Variants in CAPZA1 observed in about 807,000 individuals in gnomAD.
CAPZA1 encodes capping actin protein of muscle Z-line subunit alpha 1, also known as F-actin-capping protein subunit alpha-1.
In CAPZA1, 10 loss-of-function variants were observed where a neutral mutation model predicts 40.8. The observed-to-expected ratio is 0.25, with a 90% CI of 0.15 to 0.42. CAPZA1 has a LOEUF of 0.42. CAPZA1 is among the 10% of genes least tolerant of loss of function. The probability of loss-of-function intolerance (pLI) is 1.00; values close to 1 mark genes in which losing one functional copy is unlikely to be tolerated. For missense variants in CAPZA1, 277 were observed against 353.8 expected, an observed-to-expected ratio of 0.78 and a Z score of 1.74; for synonymous variants, 98 against 115.0, an observed-to-expected ratio of 0.85 and a Z score of 0.95.
chr1:112,645,559 A>G (rs112038528), intron 1 of CAPZA1, among the ~76,000 whole-genome samples: 338 of 152,258 alleles, frequency 2.2e-3, no homozygotes, highest in Middle Eastern at 0.014. Context: ...ACTTGAACCC[A>G]GGAGTTTGAG....
At chr1:112,656,466 T>TTTTTTC (rs1553180448) in intron 5 of CAPZA1, among the ~76,000 whole-genome samples, 17,002 of 94,248 alleles carry the variant, frequency 0.18, 4,455 homozygotes, top group South Asian at 0.3. Flanking sequence ...TTTTTTTTTT[T>TTTTTTC]AATGAGAATA....
At chr1:112,666,882 G>A (rs966364071) in intron 7 of CAPZA1, 192 bp from the exon 8 acceptor site, 28 of 530,692 alleles carry the variant, frequency 5.3e-5, no homozygotes, top group Middle Eastern at 3.1e-4. Context: ...AGGAAAAAGC[G>A]TTCTTAAACT....
At chr1:112,627,588 T>TGC (rs1194824954) in intron 1 of CAPZA1, among the ~76,000 whole-genome samples, 1 of 127,558 alleles carries the variant, frequency 7.8e-6, no homozygotes, top group Middle Eastern at 6.8e-3. Flanking sequence ...GCCGAGATCA[T>TGC]GCCATTGCAC....
chr1:112,640,598 G>C lies in CAPZA1; in HGVS notation c.40-6612G>C, dbSNP rs1353790812. 2.1e-5 allele frequency among the ~76,000 whole-genome samples: 3 copies of C among 143,860 alleles called. No homozygotes were observed. In the East Asian group the frequency reaches 6.4e-4, roughly 30 times the overall value. The allele number at this position is 143,860 out of a possible 152,430, so 94.4% of individuals were successfully genotyped here. A position where few individuals can be genotyped will look rare whatever the true frequency, so the allele number is the denominator to read the frequency against. Reference sequence around the variant, plus strand: ...CAGCCGCCCCATCCGGGAGGGAGGTGGGGGGGTCAGCCCCCCGCCCGGCCA... The same window carrying C: ...CAGCCGCCCCATCCGGGAGGGAGGTCGGGGGGTCAGCCCCCCGCCCGGCCA... On this transcript the variant is annotated intron_variant, in intron 1 of 9. Transcript: ENST00000263168.
chr1:112,626,715 T>G (rs569332443), intron 1 of CAPZA1, among the ~76,000 whole-genome samples: 2 of 152,244 alleles, frequency 1.3e-5, no homozygotes, highest in Non-Finnish European at 2.9e-5. Context: ...CTCTCCTTTC[T>G]TTATACATCC....
chr1:112,644,736 T>C (rs1462258443), intron 1 of CAPZA1, among the ~76,000 whole-genome samples: 1 of 152,208 alleles, frequency 6.6e-6, no homozygotes, highest in Non-Finnish European at 1.5e-5. Flanking sequence ...CTTTCTCTCA[T>C]AGTATGTTAG....
chr1:112,630,252 G>T (rs1384445292), intron 1 of CAPZA1, among the ~76,000 whole-genome samples: 1 of 152,022 alleles, frequency 6.6e-6, no homozygotes, highest in Admixed American at 6.5e-5. Context: ...GCCCAGACTG[G>T]TCTCAAACTC....
At chr1:112,643,788 C>T (rs1671226415) in intron 1 of CAPZA1, among the ~76,000 whole-genome samples, 1 of 152,130 alleles carries the variant, frequency 6.6e-6, no homozygotes, top group South Asian at 2.1e-4. Context: ...TAAGAGTGAA[C>T]TTACAGTAAG....
intron 1 of CAPZA1, among the ~76,000 whole-genome samples, chr1:112,628,056 T>C (rs1025055417): frequency 3.3e-5 from 5 of 152,166 alleles, no homozygotes; most frequent in Non-Finnish European, 7.4e-5. Context: ...TTGAAAAACA[T>C]GGCTCTAGAA....
At chr1:112,640,240 G>A (rs1570709283) in intron 1 of CAPZA1, among the ~76,000 whole-genome samples, 1 of 117,834 alleles carries the variant, frequency 8.5e-6, no homozygotes, top group Non-Finnish European at 1.8e-5. Context: ...GGTGAGGGGC[G>A]CCTCTGCCCG....
chr1:112,641,226 A>AAT (rs1671155578), intron 1 of CAPZA1, among the ~76,000 whole-genome samples: 5 of 151,314 alleles, frequency 3.3e-5, no homozygotes, highest in Admixed American at 6.6e-5. Context: ...AATAAAAAAA[A>AAT]AAATAAATAA....
In CAPZA1 at chr1:112,669,986, T is replaced by G; in HGVS notation, c.721-6T>G. On this transcript the variant is annotated splice_polypyrimidine_tract_variant and splice_region_variant and intron_variant, in intron 9 of 9. Coordinates refer to ENST00000263168, the MANE Select transcript of CAPZA1 (RefSeq NM_006135.3). The stretch of plus-strand genomic sequence containing the variant: ...CAAGCAACTCATCTTCAATTATCTA[T>G]TGCAGACAGCAATTAGTGAAAACTA... 8 of 1,613,786 alleles carry G rather than the reference T, an allele frequency of 5.0e-6. No homozygotes were observed. The highest frequency in any genetic ancestry group is 6.8e-6 in the Non-Finnish European group (8 of 1,179,824).
In CAPZA1 at chr1:112,643,310, T is replaced by C. The variant is rs141173240; in HGVS notation, c.40-3900T>C. 3.1e-3 allele frequency among the ~76,000 whole-genome samples: 466 copies of C among 152,338 alleles called. 4 individuals carry two copies. Among genetic ancestry groups the C allele is most frequent in the African/African-American group, 0.011 (438 of 41,568 alleles). On this transcript the variant is annotated intron_variant, in intron 1 of 9. Coordinates refer to ENST00000263168, the MANE Select transcript of CAPZA1 (RefSeq NM_006135.3). ...GAATCTCTCTTTTTATTGTTTTTGCTCAGTTAATATAAGGAGCCTTATGGA... is the reference window on the plus strand; with the variant it reads ...GAATCTCTCTTTTTATTGTTTTTGCCCAGTTAATATAAGGAGCCTTATGGA...
intron 8 of CAPZA1, among the ~76,000 whole-genome samples, chr1:112,667,838 G>C (rs1160007145): frequency 6.6e-6 from 1 of 151,906 alleles, no homozygotes; most frequent in African/African-American, 2.4e-5. Flanking sequence ...GGCCACTATT[G>C]TGTTCTATAC....
At position 112,652,343 on chromosome 1, in the gene CAPZA1, A is replaced by G. The variant is rs568482033; in HGVS notation, c.156-1255A>G. Among the ~76,000 whole-genome samples, 20 of 150,864 alleles carry G rather than the reference A, an allele frequency of 1.3e-4. No individual in the cohort carries two copies. The South Asian group carries it at 2.7e-3, about 21-fold the overall frequency. The stretch of plus-strand genomic sequence containing the variant: ...CTAAATATACAGAAATTAGCTGGGC[A>G]TGGTGGCACATGGTAATCCCAGCTA... On this transcript the variant is annotated intron_variant, in intron 3 of 9. Coordinates refer to ENST00000263168, the MANE Select transcript of CAPZA1 (RefSeq NM_006135.3).
At chr1:112,637,483 T>C (rs1036710079) in intron 1 of CAPZA1, among the ~76,000 whole-genome samples, 3 of 152,254 alleles carry the variant, frequency 2.0e-5, no homozygotes, top group Non-Finnish European at 4.4e-5. Context: ...GCTCTTGCTC[T>C]ATTGCACAGG....
At chr1:112,669,677 C>A in intron 9 of CAPZA1, 72 bp downstream of exon 9, 2 of 1,098,534 alleles carry the variant, frequency 1.8e-6, no homozygotes, top group Non-Finnish European at 2.8e-6. Context: ...TTTTGTTAGG[C>A]CTTGTGTCCT....
intron 1 of CAPZA1, among the ~76,000 whole-genome samples, chr1:112,637,328 A>T (rs1671040698): frequency 6.6e-6 from 1 of 152,268 alleles, no homozygotes; most frequent in Non-Finnish European, 1.5e-5. Flanking sequence ...AGCATGTTCT[A>T]GGTCTCAGTC....
chr1:112,634,688 T>C (rs1235560181), intron 1 of CAPZA1: 2 of 152,198 alleles, frequency 1.3e-5, no homozygotes, highest in East Asian at 3.8e-4. Flanking sequence ...TCATTTAATC[T>C]TTACAACAAT....
Sources: gnomAD v4.1 joint callset for allele counts (sites outside exome capture counted in the v4.1 genomes callset) on GRCh38, gnomAD v4.1.1 for gene constraint, MANE v1.5 for transcripts, NCBI Gene and HGNC (gene_info 2026-07-23, HGNC 2026-07-21) for gene names.